OPHN1: variants seen among roughly 807,000 people sequenced by gnomAD.
OPHN1 encodes oligophrenin 1.
A neutral mutation model predicts 60.7 loss-of-function variants in OPHN1; 11 were observed. The ratio of observed to expected loss-of-function variants is 0.18; its 90% CI spans 0.11 to 0.30. The LOEUF is 0.30. Among genes scored for constraint, OPHN1 ranks in the 10% least tolerant of loss-of-function variants. The pLI, the probability that OPHN1 is intolerant of heterozygous loss-of-function variation, is 1.00. For synonymous variants in OPHN1, 226 were observed against 222.6 expected (o/e 1.02, Z -0.14); for missense variants, 449 against 611.0 (o/e 0.73, Z 2.80).
chrX:68,246,561 A>T (rs1427715442), intron 5 of OPHN1, among the ~76,000 whole-genome samples: 1 of 111,908 alleles, frequency 8.9e-6, no homozygotes, highest in Admixed American at 9.5e-5. Context: ...AGGAGACAAG[A>T]AACCATGGTC....
chrX:68,287,748 T>A (rs898283531), intron 3 of OPHN1, among the ~76,000 whole-genome samples: 1 of 112,356 alleles, frequency 8.9e-6, no homozygotes, highest in African/African-American at 3.2e-5. Context: ...AGCTCAGTGT[T>A]TTCTCAACTA....
rs1201868201 is a variant in OPHN1, at chrX:68,338,675, C to A, written c.155-39579G>T. Among the ~76,000 whole-genome samples the A allele has an allele frequency of 3.6e-5, 4 of 111,719 alleles. No individual in the cohort carries two copies. In the Admixed American group the frequency reaches 3.8e-4, roughly 11 times the overall value. On this transcript the variant is annotated intron_variant, in intron 2 of 24. Coordinates refer to ENST00000355520, the MANE Select transcript of OPHN1 (RefSeq NM_002547.3). ...CAAAAGTCTGTTATAAATATTAAAA[C>A]AACACCTTCAACAACAACAAACAGC...
chrX:68,200,217 TTTGTA>T (rs1219074634), intron 11 of OPHN1, among the ~76,000 whole-genome samples: 1 of 111,348 alleles, frequency 9.0e-6, no homozygotes, highest in Non-Finnish European at 1.9e-5. Flanking sequence ...GAGGGAATGT[TTTGTA>T]AAGTGCACAG....
intron 15 of OPHN1, among the ~76,000 whole-genome samples, chrX:68,133,914 C>T (rs1380471978): frequency 1.8e-5 from 2 of 111,456 alleles, no homozygotes; most frequent in African/African-American, 3.3e-5. Flanking sequence ...GTGGCTCACG[C>T]TTGTAATCCC....
At chrX:68,077,989 T>C (rs2076959693) in intron 19 of OPHN1, among the ~76,000 whole-genome samples, 1 of 111,883 alleles carries the variant, frequency 8.9e-6, no homozygotes, top group African/African-American at 3.2e-5. Flanking sequence ...AGTTGTCTAA[T>C]TTGCCAAAAG....
At chrX:68,397,609 A>T (rs1263194754) in intron 2 of OPHN1, among the ~76,000 whole-genome samples, 2 of 96,096 alleles carry the variant, frequency 2.1e-5, no homozygotes, top group African/African-American at 3.8e-5. Context: ...TGCAACCTCC[A>T]CCTCCCAGGT....
Position 68,393,881 on chromosome X carries a change from C to CTTTTTTTT in OPHN1, c.154+38985_154+38986insAAAAAAAA, listed in dbSNP as rs757567783. Among the ~76,000 whole-genome samples the CTTTTTTTT allele has an allele frequency of 4.3e-4, 11 of 25,615 alleles. 1 individual carries two copies. The highest frequency in any genetic ancestry group is 1.1e-3 in the Admixed American group (2 of 1,773). The allele number at this position is 25,615 out of a possible 115,157, so 22.2% of individuals were successfully genotyped here. On this transcript the variant is annotated intron_variant, in intron 2 of 24. Coordinates refer to ENST00000355520, the MANE Select transcript of OPHN1 (RefSeq NM_002547.3). ...ATGGCTATCAAGGTGATCCAATAGACTTTGTTTTTTTTTTTTTTTTTTTTT... is the reference window on the plus strand; with the variant it reads ...ATGGCTATCAAGGTGATCCAATAGACTTTTTTTTTTTGTTTTTTTTTTTTTTTTTTTTT...
intron 5 of OPHN1, among the ~76,000 whole-genome samples, chrX:68,257,750 A>G (rs1425841802): frequency 1.8e-5 from 2 of 111,388 alleles, no homozygotes; most frequent in African/African-American, 3.3e-5. Flanking sequence ...TAGTAGCTAC[A>G]CGTTGCTAGA....
chrX:68,271,038 T>TGAGTATGAGTATGAGTAAGTATGG (rs2077965879), intron 5 of OPHN1, among the ~76,000 whole-genome samples: 1 of 111,486 alleles, frequency 9.0e-6, no homozygotes, highest in Non-Finnish European at 1.9e-5. Context: ...AAGGGCCTAA[T>TGAGTATGAGTATGAGTAAGTATGG]ATAGCACCTA....
chrX:68,204,515 C>A (rs2077549614), intron 10 of OPHN1, among the ~76,000 whole-genome samples: 1 of 111,555 alleles, frequency 9.0e-6, no homozygotes, highest in Non-Finnish European at 1.9e-5. Flanking sequence ...TTGTAGTGTT[C>A]TTATTATTAT....
At chrX:68,301,235 CAGG>C (rs1177539103) in intron 2 of OPHN1, among the ~76,000 whole-genome samples, 1 of 110,791 alleles carries the variant, frequency 9.0e-6, no homozygotes, top group African/African-American at 3.3e-5. Flanking sequence ...CACCTGAGGT[CAGG>C]AGTTCGAGAC....
At chrX:68,156,905 G>A (rs1432149344) in intron 15 of OPHN1, among the ~76,000 whole-genome samples, 2 of 111,348 alleles carry the variant, frequency 1.8e-5, no homozygotes, top group African/African-American at 6.5e-5. Context: ...TATAACCAAA[G>A]GGAGTTTCTA....
intron 15 of OPHN1, among the ~76,000 whole-genome samples, chrX:68,182,781 G>C (rs191882038): frequency 9.0e-6 from 1 of 111,277 alleles, no homozygotes; most frequent in African/African-American, 3.3e-5. Flanking sequence ...GCCTGGTGGC[G>C]GGTGCCTGTA....
intron 19 of OPHN1, among the ~76,000 whole-genome samples, chrX:68,091,390 G>A (rs897226152): frequency 1.8e-5 from 2 of 111,002 alleles, no homozygotes; most frequent in Non-Finnish European, 3.8e-5. Flanking sequence ...AAATGAGTTT[G>A]CAAAGCACAA....
chrX:68,362,581 G>T (rs144944294), intron 2 of OPHN1, among the ~76,000 whole-genome samples: 1 of 111,077 alleles, frequency 9.0e-6, no homozygotes. Context: ...GCCGTTCTAC[G>T]TGTATACATA....
chrX:68,339,087 A>AAT (rs1555973537), intron 2 of OPHN1, among the ~76,000 whole-genome samples: 125 of 90,963 alleles, frequency 1.4e-3, no homozygotes, highest in African/African-American at 2.2e-3. Flanking sequence ...GAAAAAAAAA[A>AAT]ATATATATAT....
At chrX:68,123,605 T>G (rs781589829) in intron 15 of OPHN1, among the ~76,000 whole-genome samples, 2 of 111,996 alleles carry the variant, frequency 1.8e-5, no homozygotes, top group South Asian at 7.4e-4. Flanking sequence ...GGTGTAAAGT[T>G]TTTATTAGTT....
intron 15 of OPHN1, among the ~76,000 whole-genome samples, chrX:68,190,958 CA>C (rs1454647004): frequency 8.9e-6 from 1 of 111,835 alleles, no homozygotes; most frequent in African/African-American, 3.3e-5. Flanking sequence ...ATCTGGAATT[CA>C]AAAACCACAC....
At chrX:68,267,346 A>T (rs185130147) in intron 5 of OPHN1, among the ~76,000 whole-genome samples, 34 of 112,250 alleles carry the variant, frequency 3.0e-4, no homozygotes, top group African/African-American at 1.0e-3. Flanking sequence ...CCACAGTGCA[A>T]TCAAACTAGA....
Sources: allele counts gnomAD v4.1 joint callset (sites outside exome capture counted in the v4.1 genomes callset), GRCh38; gene constraint gnomAD v4.1.1; transcripts MANE v1.5; gene names NCBI Gene and HGNC (gene_info 2026-07-23, HGNC 2026-07-21).